The following ARHGAP31 variants were observed in gnomAD, a reference collection of about 807,000 sequenced individuals.
ARHGAP31 encodes Rho GTPase activating protein 31.
In ARHGAP31, 34 loss-of-function variants were observed where a neutral mutation model predicts 113.9. The observed-to-expected ratio is 0.30, with a 90% confidence interval of 0.23 to 0.40. ARHGAP31 has a LOEUF of 0.40. Among genes scored for constraint, ARHGAP31 ranks in the 10% least tolerant of loss-of-function variants. The probability of loss-of-function intolerance (pLI) is 1.00; values close to 1 mark genes in which losing one functional copy is unlikely to be tolerated. For synonymous variants in ARHGAP31, 650 were observed against 684.8 expected (o/e 0.95, Z 0.79); for missense variants, 1,548 against 1,767.1 (o/e 0.88, Z 2.22).
chr3:119,339,688 A>C (rs73854497), intron 1 of ARHGAP31, among the ~76,000 whole-genome samples: 2,258 of 152,266 alleles, frequency 0.015, 51 homozygotes, highest in African/African-American at 0.051. Context: ...GAGCATTTCC[A>C]AAAAATAGTG....
intron 6 of ARHGAP31, among the ~76,000 whole-genome samples, chr3:119,387,006 G>A (rs1254694758): frequency 6.6e-6 from 1 of 152,226 alleles, no homozygotes; most frequent in Non-Finnish European, 1.5e-5. Context: ...ATCACAGGGA[G>A]ATGGTTAGGC....
rs147384998 is a variant in ARHGAP31 at position 119,337,497 on chromosome 3, T to C, written c.101-27819T>C. Among the ~76,000 whole-genome samples the C allele has an allele frequency of 3.4e-3, 515 of 152,280 alleles. 5 individuals carry two copies. The highest frequency in any genetic ancestry group is 0.011 in the African/African-American group (467 of 41,552). ...AAGCAAAAGAACAAAGCTTCCACAA[T>C]ACTGACGGGACCCAAATGATTTGCC... On this transcript the variant is annotated intron_variant, in intron 1 of 11. Coordinates refer to ENST00000264245, the MANE Select transcript of ARHGAP31 (RefSeq NM_020754.4).
chr3:119,325,695 A>T (rs73854487), intron 1 of ARHGAP31, among the ~76,000 whole-genome samples: 1,708 of 152,138 alleles, frequency 0.011, 27 homozygotes, highest in African/African-American at 0.039. Context: ...CTTAGCCTGA[A>T]GGCAGGCTGT....
At chr3:119,318,131 A>C (rs995981030) in intron 1 of ARHGAP31, among the ~76,000 whole-genome samples, 1 of 152,044 alleles carries the variant, frequency 6.6e-6, no homozygotes, top group African/African-American at 2.4e-5. Context: ...TTAGCTGGGC[A>C]TGGTGGCTCA....
At chr3:119,309,262 A>G (rs1160255302) in intron 1 of ARHGAP31, among the ~76,000 whole-genome samples, 3 of 152,210 alleles carry the variant, frequency 2.0e-5, no homozygotes, top group African/African-American at 7.2e-5. Context: ...ATGTCATTCT[A>G]CTAATGAGTC....
rs58689017 is a variant in ARHGAP31 at position 119,317,183 on chromosome 3, C to CT, written c.100+22192dup. Among the ~76,000 whole-genome samples the CT allele has an allele frequency of 1.7e-3, 253 of 146,628 alleles. 2 individuals carry two copies. The highest frequency in any genetic ancestry group is 4.3e-3 in the African/African-American group (174 of 40,042). On this transcript the variant is annotated intron_variant, in intron 1 of 11. Coordinates refer to ENST00000264245, the MANE Select transcript of ARHGAP31 (RefSeq NM_020754.4). Reference sequence around the variant, plus strand: ...ATGTCACATTTCTATTTTCTTTTTTCTTTTTTTTTTTTTGAGACGGAGTCT... The same window carrying CT: ...ATGTCACATTTCTATTTTCTTTTTTCTTTTTTTTTTTTTTGAGACGGAGTCT...
At chr3:119,324,827 C>T (rs531882205) in intron 1 of ARHGAP31, 4 of 431,790 alleles carry the variant, frequency 9.3e-6, no homozygotes, top group South Asian at 3.4e-5. Context: ...TTTTAATGGA[C>T]GACTCCTTTT....
At chr3:119,352,660 G>C (rs2080119987) in intron 1 of ARHGAP31, among the ~76,000 whole-genome samples, 1 of 152,220 alleles carries the variant, frequency 6.6e-6, no homozygotes, top group Admixed American at 6.5e-5. Context: ...AAGAACTTCA[G>C]GGTTGGCCCT....
intron 1 of ARHGAP31, among the ~76,000 whole-genome samples, chr3:119,331,414 G>A (rs1280876458): frequency 5.3e-5 from 8 of 152,094 alleles, no homozygotes; most frequent in African/African-American, 9.7e-5. Context: ...AAGTGAAGCC[G>A]TATTAATTAC....
At chr3:119,314,110 A>G (rs2079708035) in intron 1 of ARHGAP31, among the ~76,000 whole-genome samples, 1 of 151,994 alleles carries the variant, frequency 6.6e-6, no homozygotes, top group Admixed American at 6.6e-5. Flanking sequence ...CCCTGGCCAC[A>G]CTCTACTTCT....
In ARHGAP31 at chr3:119,316,387, T is replaced by A. The variant is rs145642154; in HGVS notation, c.100+21383T>A. On this transcript the variant is annotated intron_variant, in intron 1 of 11. Coordinates refer to ENST00000264245, the MANE Select transcript of ARHGAP31 (RefSeq NM_020754.4). ...ACAGAACTGTTGTTTTAGGACTGGA[T>A]AAACTTGATACAGCCCACAACAATC... Among the ~76,000 whole-genome samples the A allele has an allele frequency of 8.2e-3, 1,245 of 152,348 alleles. 9 individuals carry two copies. Among genetic ancestry groups the A allele is most frequent in the Non-Finnish European group, 0.013 (912 of 68,038 alleles).
At chr3:119,346,896 C>A (rs1207876054) in intron 1 of ARHGAP31, among the ~76,000 whole-genome samples, 1 of 152,146 alleles carries the variant, frequency 6.6e-6, no homozygotes, top group African/African-American at 2.4e-5. Context: ...TTTCCTGGTG[C>A]TGAATCAGGC....
intron 2 of ARHGAP31, among the ~76,000 whole-genome samples, chr3:119,366,864 G>A (rs1234055127): frequency 6.6e-6 from 1 of 152,036 alleles, no homozygotes; most frequent in African/African-American, 2.4e-5. Context: ...CACTCTGGGA[G>A]GCCGAGACGG....
chr3:119,381,543 T>A lies in ARHGAP31; in HGVS notation c.431+557T>A, dbSNP rs370595024. Among the ~76,000 whole-genome samples, 83 of 152,286 alleles carry A rather than the reference T, an allele frequency of 5.5e-4. 1 individual carries two copies. The highest frequency in any genetic ancestry group is 2.0e-3 in the African/African-American group (82 of 41,564). ...GAAGGAACTTCCTAGCAATAATAAA[T>A]GTTGTTTATCCATGAAATTAGCTCC... On this transcript the variant is annotated intron_variant, in intron 4 of 11. Transcript: ENST00000264245.
chr3:119,336,132 G>A (rs1377489148), intron 1 of ARHGAP31, among the ~76,000 whole-genome samples: 4 of 152,092 alleles, frequency 2.6e-5, no homozygotes, highest in African/African-American at 7.2e-5. Flanking sequence ...CCAAGTTCAC[G>A]CCACTGCACT....
intron 1 of ARHGAP31, among the ~76,000 whole-genome samples, chr3:119,306,256 T>C (rs143644968): frequency 5.3e-5 from 8 of 152,258 alleles, no homozygotes; most frequent in African/African-American, 1.9e-4. Flanking sequence ...GGACATCTAG[T>C]AAAAGTTTTC....
At chr3:119,380,665 A>G (rs917651760) in intron 3 of ARHGAP31, among the ~76,000 whole-genome samples, 1 of 151,932 alleles carries the variant, frequency 6.6e-6, no homozygotes, top group Admixed American at 6.6e-5. Context: ...CAGGATGCCC[A>G]GAGTCCCAGG....
At chr3:119,400,548 T>G (rs188172989) in intron 9 of ARHGAP31, among the ~76,000 whole-genome samples, 8 of 152,260 alleles carry the variant, frequency 5.3e-5, no homozygotes, top group Non-Finnish European at 1.2e-4. Context: ...ACTTTTATAT[T>G]CATCTATTTG....
intron 1 of ARHGAP31, among the ~76,000 whole-genome samples, chr3:119,332,600 C>T (rs540015572): frequency 7.3e-6 from 1 of 137,208 alleles, no homozygotes; most frequent in African/African-American, 2.9e-5. Context: ...TTCTCTCTCT[C>T]TCTTTCTCTC....
Sources: allele counts gnomAD v4.1 joint callset (sites outside exome capture counted in the v4.1 genomes callset), GRCh38; gene constraint gnomAD v4.1.1; transcripts MANE v1.5; gene names NCBI Gene and HGNC (gene_info 2026-07-23, HGNC 2026-07-21).